SSRP1: variants seen among roughly 807,000 people sequenced by gnomAD.
SSRP1 encodes the protein structure specific recognition protein 1.
In SSRP1, 21 loss-of-function variants were observed where a neutral mutation model predicts 84.4. The ratio of observed to expected loss-of-function variants is 0.25; its 90% CI spans 0.18 to 0.36. SSRP1 has a LOEUF of 0.36. Ranked by LOEUF, SSRP1 falls within the 10% of genes least tolerant of loss-of-function variation. The probability of loss-of-function intolerance (pLI) is 1.00; values close to 1 mark genes in which losing one functional copy is unlikely to be tolerated. For synonymous variants in SSRP1, 319 were observed against 318.3 expected, an observed-to-expected ratio of 1.00 and a Z score of -0.02; for missense variants, 519 against 900.8, an observed-to-expected ratio of 0.58 and a Z score of 5.43.
intron 13 of SSRP1, 76 bp from the exon 14 acceptor site, chr11:57,327,958 CTT>C: frequency 6.5e-7 from 1 of 1,543,452 alleles, no homozygotes; most frequent in African/African-American, 1.4e-5. Flanking sequence ...ATTTAGATCA[CTT>C]AACTTGGAGA....
rs748483435 is a variant in SSRP1, at chr11:57,332,183, G to A, written c.970C>T (p.Arg324Cys). 5.0e-6 allele frequency: 8 copies of A among 1,613,690 alleles called. No individual in the cohort carries two copies. Among genetic ancestry groups the A allele is most frequent in the African/African-American group, 1.3e-5 (1 of 74,858 alleles). ...VSRVMKALVN[R>C]KITVPGNFQG... ...AAGTTGCCTGGCACTGTGATCTTGCGGTTTACCAGTGCTTTCATGACCCGG... is the reference window on the plus strand; with the variant it reads ...AAGTTGCCTGGCACTGTGATCTTGCAGTTTACCAGTGCTTTCATGACCCGG... The change falls in exon 8 of 17, where the codon CGC becomes TGC. Residue 324 changes from arginine to cysteine, a missense_variant. By Grantham distance (180) the Arg-to-Cys change is radical. Transcript: ENST00000278412. The surrounding 1 kb of genome is among the most constrained non-coding windows in gnomAD (Gnocchi z 5.5).
rs1456549503 is a variant in SSRP1 at position 57,333,512 on chromosome 11, T to C, written c.269A>G (p.Lys90Arg). 3 of 1,613,974 alleles carry C rather than the reference T, an allele frequency of 1.9e-6. No individual in the cohort carries two copies. Among genetic ancestry groups the C allele is most frequent in the Non-Finnish European group, 2.5e-6 (3 of 1,180,026 alleles). The change falls in exon 4 of 17, where the codon AAA becomes AGA. Residue 90 changes from lysine (K) to arginine (R), a missense_variant. Lys to Arg is a conservative substitution (Grantham distance 26). Coordinates refer to ENST00000278412, the MANE Select transcript of SSRP1 (RefSeq NM_003146.3). ...SEFEKLSDFF[K>R]THYRLELMEK... is the part of the protein sequence containing the mutation. Reference sequence around the variant, plus strand: ...CATTAGCTCAAGGCGATAGTGAGTTTTGAAGAAATCAGAGAGTTTCTCAAA... The same window carrying C: ...CATTAGCTCAAGGCGATAGTGAGTTCTGAAGAAATCAGAGAGTTTCTCAAA...
rs567818989 is a variant in SSRP1, at chr11:57,331,586, G to A, written c.1223+82C>T. 14 of 1,128,596 alleles carry A rather than the reference G, an allele frequency of 1.2e-5. No individual in the cohort carries two copies. In the African/African-American group the frequency reaches 1.5e-4, roughly 12 times the overall value. 69.9% of individuals were successfully genotyped at this position (1,128,596 alleles called of 1,614,324 possible). Reference sequence around the variant, plus strand: ...AAAAATTCTGCTCTAGGGTTGGAGAGTGCCCCAGGCCACGCCAGCCTTCCT... The same window carrying A: ...AAAAATTCTGCTCTAGGGTTGGAGAATGCCCCAGGCCACGCCAGCCTTCCT... On this transcript the variant is annotated intron_variant, in intron 9 of 16. Coordinates refer to ENST00000278412, the MANE Select transcript of SSRP1 (RefSeq NM_003146.3).
At chr11:57,334,804 CAG>C (rs1002395137) in intron 2 of SSRP1, among the ~76,000 whole-genome samples, 156 bp from the exon 3 acceptor site, 1 of 152,208 alleles carries the variant, frequency 6.6e-6, no homozygotes, top group African/African-American at 2.4e-5. Flanking sequence ...GATTCTAAAC[CAG>C]ACTCTGGTAT....
At chr11:57,327,294 T>A (rs1856004653) in intron 15 of SSRP1, 132 bp downstream of exon 15, 1 of 938,652 alleles carries the variant, frequency 1.1e-6, no homozygotes, top group Non-Finnish European at 1.6e-6. Context: ...TACCCAGGTT[T>A]GAGAAGCACT....
At position 57,330,629 on chromosome 11, in the gene SSRP1, C is replaced by G. The variant is rs1856069907; in HGVS notation, c.1297-200G>C. The G allele has an allele frequency of 6.9e-7, 1 of 1,440,436 alleles. No homozygotes were observed. Among genetic ancestry groups the G allele is most frequent in the Admixed American group, 2.8e-5 (1 of 36,150 alleles). 89.2% of individuals were successfully genotyped at this position (1,440,436 alleles called of 1,614,324 possible). On this transcript the variant is annotated intron_variant, in intron 10 of 16. Transcript: ENST00000278412. The surrounding 1 kb of genome is among the most constrained non-coding windows in gnomAD (Gnocchi z 4.0). Reference sequence around the variant, plus strand: ...ACTGGGTTAGTCCAAGCCCCAAGCCCCTCCCTCTCCCAGCCCCACTGGGGG... The same window carrying G: ...ACTGGGTTAGTCCAAGCCCCAAGCCGCTCCCTCTCCCAGCCCCACTGGGGG...
In SSRP1 at chr11:57,330,595, T is replaced by C; in HGVS notation, c.1297-166A>G. 2.1e-6 allele frequency: 3 copies of C among 1,429,142 alleles called. No homozygotes were observed. The highest frequency in any genetic ancestry group is 2.9e-5 in the South Asian group (2 of 68,030). The allele number at this position is 1,429,142 out of a possible 1,614,324, so 88.5% of individuals were successfully genotyped here. ...ACGTGCAGGGCCTATGCCCAAGTAC[T>C]TCCTGCCAACTGGGTTAGTCCAAGC... On this transcript the variant is annotated intron_variant, in intron 10 of 16. Transcript: ENST00000278412. The surrounding 1 kb of genome is among the most constrained non-coding windows in gnomAD (Gnocchi z 4.0).
intron 15 of SSRP1, 99 bp downstream of exon 15, chr11:57,327,327 C>A: frequency 8.0e-7 from 1 of 1,251,828 alleles, no homozygotes; most frequent in African/African-American, 1.5e-5. Context: ...TCAGAAGCAT[C>A]TCTGCTGTCT....
intron 15 of SSRP1, 125 bp downstream of exon 15, chr11:57,327,301 C>G (rs1388094616): frequency 7.0e-6 from 7 of 995,064 alleles, no homozygotes; most frequent in Non-Finnish European, 1.1e-5. Context: ...GTTTGAGAAG[C>G]ACTACCCTAC....
chr11:57,328,634 C>T (rs954924203), intron 12 of SSRP1: 1 of 582,834 alleles, frequency 1.7e-6, no homozygotes, highest in Non-Finnish European at 2.9e-6. Context: ...CCAGCCACAG[C>T]AATTGGTTAC....
At chr11:57,329,877 T>C (rs1468780268) in intron 12 of SSRP1, 1 of 630,996 alleles carries the variant, frequency 1.6e-6, no homozygotes, top group Non-Finnish European at 2.8e-6. Flanking sequence ...GGTATGGCCA[T>C]AGATCCCACT....
At chr11:57,331,592 C>CAG in intron 9 of SSRP1, 76 bp downstream of exon 9, 2 of 1,240,304 alleles carry the variant, frequency 1.6e-6, no homozygotes, top group Non-Finnish European at 2.4e-6. Context: ...GAGAGTGCCC[C>CAG]AGGCCACGCC....
chr11:57,330,754 G>C lies in SSRP1; in HGVS notation c.1296+101C>G. The C allele has an allele frequency of 6.3e-7, 1 of 1,588,920 alleles. No homozygotes were observed. Among genetic ancestry groups the C allele is most frequent in the Non-Finnish European group, 8.6e-7 (1 of 1,166,350 alleles). ...GCACCTCTTTTTTCTATAAGGGTAA[G>C]AAGAGAAGAAAGAGTGAAAAAGAAG... On this transcript the variant is annotated intron_variant, in intron 10 of 16. Transcript: ENST00000278412. This position sits in a 1 kb window ranked among gnomAD's most constrained non-coding sequence, Gnocchi z 4.0.
At position 57,332,348 on chromosome 11, in the gene SSRP1, A is replaced by G; in HGVS notation, c.872+35T>C. 1 of 1,613,874 alleles carries G rather than the reference A, an allele frequency of 6.2e-7. No homozygotes were observed. The highest frequency in any genetic ancestry group is 8.5e-7 in the Non-Finnish European group (1 of 1,179,802). On this transcript the variant is annotated intron_variant, in intron 7 of 16. Transcript: ENST00000278412. This position sits in a 1 kb window ranked among gnomAD's most constrained non-coding sequence, Gnocchi z 5.5. ...AATGGCACACCTGTCTCCTGCCTGG[A>G]CAGTGGTAGGAAACGAGTCCAGGGA... is the stretch of plus-strand genomic sequence containing the variant.
chr11:57,335,433 T>G lies in SSRP1; in HGVS notation c.-119-193A>C. The G allele has an allele frequency of 2.8e-6, 1 of 351,830 alleles. No homozygotes were observed. Among genetic ancestry groups the G allele is most frequent in the Non-Finnish European group, 5.5e-6 (1 of 180,862 alleles). The allele number at this position is 351,830 out of a possible 1,614,324, so 21.8% of individuals were successfully genotyped here. A position where few individuals can be genotyped will look rare whatever the true frequency, so the allele number is the denominator to read the frequency against. On this transcript the variant is annotated intron_variant, in intron 1 of 16. Transcript: ENST00000278412. This position sits in a 1 kb window ranked among gnomAD's most constrained non-coding sequence, Gnocchi z 4.6. The stretch of plus-strand genomic sequence containing the variant: ...TGGAGAACCGGGCCCGGAATACCGC[T>G]GACACCCAACCCGACGCCCGCTCTG...
chr11:57,335,231 G>A lies in SSRP1; in HGVS notation c.-110C>T, dbSNP rs1856187547. ...TGAGTGGGTGTGCGGATGCTCAGCA[G>A]GTTGGGAATCTGAATTCAAGAGGAA... On this transcript the variant is annotated 5_prime_UTR_variant, in exon 2 of 17. Coordinates refer to ENST00000278412, the MANE Select transcript of SSRP1 (RefSeq NM_003146.3). This position sits in a 1 kb window ranked among gnomAD's most constrained non-coding sequence, Gnocchi z 4.6. The A allele has an allele frequency of 1.8e-6, 2 of 1,117,142 alleles. No individual in the cohort carries two copies. Among genetic ancestry groups the A allele is most frequent in the East Asian group, 4.7e-5 (2 of 42,120 alleles). The allele number at this position is 1,117,142 out of a possible 1,614,324, so 69.2% of individuals were successfully genotyped here. A position where few individuals can be genotyped will look rare whatever the true frequency, so the allele number is the denominator to read the frequency against.
In SSRP1 at chr11:57,331,950, T is replaced by C. The variant is rs1856100603; in HGVS notation, c.1002-61A>G. The C allele has an allele frequency of 3.9e-6, 6 of 1,531,908 alleles. No homozygotes were observed. The Admixed American group carries it at 7.4e-5, about 19-fold the overall frequency. 94.9% of individuals were successfully genotyped at this position (1,531,908 alleles called of 1,614,324 possible). A position where few individuals can be genotyped will look rare whatever the true frequency, so the allele number is the denominator to read the frequency against. On this transcript the variant is annotated intron_variant, in intron 8 of 16. Transcript: ENST00000278412. ...CCTCAGCAGAGGCAAAGGGCGTATC[T>C]AGCAGCAGCGACACGAGTGCTCATG... is the stretch of plus-strand genomic sequence containing the variant.
Position 57,334,618 on chromosome 11 carries a change from C to T in SSRP1, c.85G>A (p.Gly29Ser). ...NDGRLRLSRQGIIFKNSKTGK... is the reference protein window; with the variant it reads ...NDGRLRLSRQSIIFKNSKTGK... ...GTCTTGCTATTCTTGAAGATGATGC[C>T]CTGACGGCTCAACCTCAGTCGACCA... Residue 29 changes from glycine to serine, a missense_variant, in exon 3 of 17, where the codon GGC (glycine) becomes AGC (serine). Physicochemically the swap from Gly to Ser is moderately conservative, Grantham distance 56 (BLOSUM62 0). Around this residue, in one of 7 missense-constraint regions of SSRP1, gnomAD observed 88 missense variants for 122.0 expected, o/e 0.72. Transcript: ENST00000278412. The T allele has an allele frequency of 6.2e-7, 1 of 1,614,158 alleles. No homozygotes were observed. Among genetic ancestry groups the T allele is most frequent in the Non-Finnish European group, 8.5e-7 (1 of 1,180,048 alleles).
In SSRP1 at chr11:57,332,994, G is replaced by C; in HGVS notation, c.502C>G (p.Pro168Ala). 1.2e-6 allele frequency: 2 copies of C among 1,613,798 alleles called. No homozygotes were observed. Among genetic ancestry groups the C allele is most frequent in the Non-Finnish European group, 1.7e-6 (2 of 1,179,806 alleles). The change falls in exon 5 of 17, where the codon CCA (proline) becomes GCA (alanine). Residue 168 changes from proline to alanine, a missense_variant. This residue lies in a region of SSRP1 where 159 missense variants were observed against 359.0 expected (regional missense o/e 0.44). Transcript: ENST00000278412. This position sits in a 1 kb window ranked among gnomAD's most constrained non-coding sequence, Gnocchi z 5.5. ...TCCACACCATCCTCCTGGGTGGGTG[G>C]GACGTAGAAGCGCACCTCCATGAGA... ...VSLMEVRFYV[P>A]PTQEDGVDPV...
Sources: allele counts gnomAD v4.1 joint callset (sites outside exome capture counted in the v4.1 genomes callset), GRCh38; gene constraint gnomAD v4.1.1; regional missense constraint gnomAD v4.1.1; non-coding constraint Gnocchi (gnomAD v3.1); transcripts MANE v1.5; gene names NCBI Gene and HGNC (gene_info 2026-07-23, HGNC 2026-07-21).